Variants in LRMDA observed in about 807,000 individuals in gnomAD.
The protein encoded by LRMDA is leucine rich melanocyte differentiation associated.
In LRMDA, 18 loss-of-function variants were observed where a neutral mutation model predicts 29.8. The observed-to-expected ratio is 0.60, with a 90% CI of 0.42 to 0.90. The LOEUF is 0.90. LRMDA is among the 40% of genes least tolerant of loss of function. LRMDA has a pLI of 0.00. For synonymous variants in LRMDA, 125 were observed against 109.4 expected, an observed-to-expected ratio of 1.14 and a Z score of -0.89; for missense variants, 273 against 273.9, an observed-to-expected ratio of 1.00 and a Z score of 0.02.
intron 2 of LRMDA, among the ~76,000 whole-genome samples, chr10:75,551,275 T>C (rs530998279): frequency 6.6e-6 from 1 of 151,830 alleles, no homozygotes; most frequent in Non-Finnish European, 1.5e-5. Flanking sequence ...CCAGGAGATA[T>C]GTAGGTGTAG....
intron 6 of LRMDA, among the ~76,000 whole-genome samples, chr10:76,408,515 T>C (rs1403309823): frequency 6.6e-6 from 1 of 152,184 alleles, no homozygotes; most frequent in Non-Finnish European, 1.5e-5. Context: ...ATTACTCCTG[T>C]CAATATTTAA....
chr10:75,679,021 C>T (rs1881732), intron 2 of LRMDA, among the ~76,000 whole-genome samples: 20,105 of 152,112 alleles, frequency 0.13, 3,175 homozygotes, highest in African/African-American at 0.36. Context: ...CAGTCCCTAC[C>T]TCACCATCAT....
At chr10:75,509,031 C>T (rs1845198123) in intron 2 of LRMDA, among the ~76,000 whole-genome samples, 1 of 152,202 alleles carries the variant, frequency 6.6e-6, no homozygotes, top group African/African-American at 2.4e-5. Context: ...GGTTTCCTTT[C>T]CTTTTCTCTT....
chr10:76,312,450 CT>C (rs1210933030), intron 5 of LRMDA, among the ~76,000 whole-genome samples: 5 of 152,212 alleles, frequency 3.3e-5, no homozygotes, highest in African/African-American at 1.2e-4. Context: ...TGGAAAAGTA[CT>C]TTGGTTCCAA....
At chr10:76,248,915 C>T (rs1018433846) in intron 5 of LRMDA, among the ~76,000 whole-genome samples, 1 of 152,158 alleles carries the variant, frequency 6.6e-6, no homozygotes, top group Admixed American at 6.5e-5. Context: ...ATGCTAAATG[C>T]CTTTCTTATC....
intron 2 of LRMDA, among the ~76,000 whole-genome samples, chr10:75,861,951 G>C (rs1199814537): frequency 6.6e-6 from 1 of 152,108 alleles, no homozygotes; most frequent in Non-Finnish European, 1.5e-5. Context: ...GAGAGAAAGA[G>C]CTCACAGCCT....
chr10:76,286,445 G>T (rs1386926126), intron 5 of LRMDA, among the ~76,000 whole-genome samples: 1 of 152,108 alleles, frequency 6.6e-6, no homozygotes, highest in Non-Finnish European at 1.5e-5. Context: ...AAAGAACAGT[G>T]GTTTTCAAAC....
intron 2 of LRMDA, among the ~76,000 whole-genome samples, chr10:76,015,489 G>T (rs1221608017): frequency 6.6e-6 from 1 of 152,194 alleles, no homozygotes; most frequent in South Asian, 2.1e-4. Flanking sequence ...TCATGACTTG[G>T]CAATGAACAA....
chr10:75,658,368 T>C lies in LRMDA; in HGVS notation c.131+219874T>C, dbSNP rs536484334. On this transcript the variant is annotated intron_variant, in intron 2 of 6. Transcript: ENST00000611255. Reference sequence around the variant, plus strand: ...ATTCAAAGGGTAGAAAATAGATCTCTGAAGGAAAATCTTGTAAGACTGGAG... The same window carrying C: ...ATTCAAAGGGTAGAAAATAGATCTCCGAAGGAAAATCTTGTAAGACTGGAG... Among the ~76,000 whole-genome samples the C allele has an allele frequency of 9.2e-5, 14 of 151,380 alleles. No individual in the cohort carries two copies. The South Asian group carries it at 2.7e-3, about 29-fold the overall frequency.
intron 5 of LRMDA, among the ~76,000 whole-genome samples, chr10:76,254,471 A>G (rs944815161): frequency 2.0e-5 from 3 of 152,086 alleles, no homozygotes; most frequent in African/African-American, 7.2e-5. Flanking sequence ...AATCCAATCA[A>G]GAGTATTCAT....
chr10:76,470,866 A>G (rs1407475238), intron 6 of LRMDA, among the ~76,000 whole-genome samples: 1 of 151,956 alleles, frequency 6.6e-6, no homozygotes, highest in East Asian at 1.9e-4. Flanking sequence ...TGGTTACACA[A>G]AATTTTAAAT....
intron 5 of LRMDA, among the ~76,000 whole-genome samples, chr10:76,194,740 A>C (rs1000052532): frequency 6.6e-6 from 1 of 152,218 alleles, no homozygotes; most frequent in Non-Finnish European, 1.5e-5. Context: ...ACTTGGATGG[A>C]AAGTCCAATA....
rs147020051 is a variant in LRMDA at position 76,285,202 on chromosome 10, G to T, written c.517-39199G>T. 1.8e-3 allele frequency among the ~76,000 whole-genome samples: 273 copies of T among 152,204 alleles called. 2 individuals are homozygous for T. The highest frequency in any genetic ancestry group is 5.9e-3 in the African/African-American group (244 of 41,536). Reference sequence around the variant, plus strand: ...AGGAGATTACTTCATCCTATTTCCAGGATATAGTTGGCCAATCTGTCTGGA... The same window carrying T: ...AGGAGATTACTTCATCCTATTTCCATGATATAGTTGGCCAATCTGTCTGGA... On this transcript the variant is annotated intron_variant, in intron 5 of 6. Transcript: ENST00000611255.
intron 6 of LRMDA, among the ~76,000 whole-genome samples, chr10:76,487,331 G>A (rs889963149): frequency 6.6e-6 from 1 of 151,850 alleles, no homozygotes; most frequent in Admixed American, 6.6e-5. Context: ...AAGATATCAG[G>A]GGCTTGAAGT....
chr10:75,473,691 A>G (rs1175383917), intron 2 of LRMDA, among the ~76,000 whole-genome samples: 2 of 152,190 alleles, frequency 1.3e-5, no homozygotes, highest in Non-Finnish European at 2.9e-5. Flanking sequence ...CATCTGTGGC[A>G]TGCTGGTTGT....
intron 2 of LRMDA, among the ~76,000 whole-genome samples, chr10:75,500,059 A>C (rs1589161719): frequency 6.6e-6 from 1 of 152,242 alleles, no homozygotes; most frequent in East Asian, 1.9e-4. Flanking sequence ...TAAGCAATAG[A>C]GCCCTTTAGT....
chr10:76,047,093 C>T, intron 3 of LRMDA, 71 bp from the exon 4 acceptor site: 4 of 1,559,212 alleles, frequency 2.6e-6, no homozygotes, highest in Non-Finnish European at 3.5e-6. Context: ...TCATCAGCGC[C>T]TGTCAGTCAT....
At chr10:76,279,734 A>T (rs1840179911) in intron 5 of LRMDA, among the ~76,000 whole-genome samples, 1 of 151,888 alleles carries the variant, frequency 6.6e-6, no homozygotes, top group South Asian at 2.1e-4. Context: ...TTTAGTAGAG[A>T]CAGGGTTTCA....
chr10:75,499,272 T>C (rs1320886643), intron 2 of LRMDA, among the ~76,000 whole-genome samples: 1 of 152,220 alleles, frequency 6.6e-6, no homozygotes, highest in Non-Finnish European at 1.5e-5. Flanking sequence ...AAAATACAGC[T>C]ATCCTTGCCT....
Sources: gnomAD v4.1 joint callset for allele counts (sites outside exome capture counted in the v4.1 genomes callset) on GRCh38, gnomAD v4.1.1 for gene constraint, MANE v1.5 for transcripts, NCBI Gene and HGNC (gene_info 2026-07-23, HGNC 2026-07-21) for gene names.